The following NPAT variants were observed in gnomAD, a reference collection of about 807,000 sequenced individuals.
The protein encoded by NPAT is protein NPAT.
Under a neutral mutation model 130.7 loss-of-function variants are expected in NPAT, and 52 were observed. The ratio of observed to expected loss-of-function variants is 0.40; its 90% CI spans 0.32 to 0.50. NPAT has a LOEUF of 0.50. NPAT is among the 20% of genes least tolerant of loss of function. The probability of loss-of-function intolerance (pLI) is 0.68; values close to 1 mark genes in which losing one functional copy is unlikely to be tolerated. For missense variants in NPAT, 1,687 were observed against 1,662.6 expected (o/e 1.01, Z -0.26); for synonymous variants, 580 against 584.8 (o/e 0.99, Z 0.12).
chr11:108,207,684 C>A (rs115795704), intron 1 of NPAT, among the ~76,000 whole-genome samples: 1,961 of 152,354 alleles, frequency 0.013, 53 homozygotes, highest in African/African-American at 0.044. Context: ...AGAGGCCAGG[C>A]AGCGGGAGTA....
At chr11:108,193,216 T>C (rs893323812) in intron 3 of NPAT, among the ~76,000 whole-genome samples, 3 of 152,242 alleles carry the variant, frequency 2.0e-5, no homozygotes, top group South Asian at 2.1e-4. Flanking sequence ...CTAGTAACTA[T>C]AAGCCAGTGT....
At chr11:108,191,980 C>T (rs1006798950) in intron 4 of NPAT, 138 bp downstream of exon 4, 2 of 714,118 alleles carry the variant, frequency 2.8e-6, no homozygotes, top group African/African-American at 1.7e-5. Context: ...CAGTAACCTC[C>T]ACAGTACCAG....
rs199938106 is a variant in NPAT, at chr11:108,173,156, C to T, written c.1828G>A (p.Val610Ile). The T allele has an allele frequency of 1.2e-6, 2 of 1,613,764 alleles. No homozygotes were observed. Among genetic ancestry groups the T allele is most frequent in the South Asian group, 1.1e-5 (1 of 91,074 alleles). Residue 610 changes from valine (V) to isoleucine (I), a missense_variant, in exon 13 of 18, where the codon GTT (valine) becomes ATT (isoleucine). Around this residue, in one of 3 missense-constraint regions of NPAT, gnomAD observed 1,379 missense variants for 1,346.6 expected, o/e 1.02. Coordinates refer to ENST00000278612, the MANE Select transcript of NPAT (RefSeq NM_002519.3). ...CLQSEILPVS[V>I]ESSHLNVSGQ... ...GATACATTTAAATGTGAACTTTCAA[C>T]AGACACAGGTAGTATTTCACTTTGA... is the stretch of plus-strand genomic sequence containing the variant.
At chr11:108,189,629 G>A (rs940560835) in intron 5 of NPAT, among the ~76,000 whole-genome samples, 33 of 152,054 alleles carry the variant, frequency 2.2e-4, no homozygotes, top group African/African-American at 8.0e-4. Context: ...CCAGCACTTT[G>A]GGAGGCCGAG....
intron 8 of NPAT, 77 bp downstream of exon 8, chr11:108,186,403 CAT>C: frequency 1.0e-6 from 1 of 988,378 alleles, no homozygotes; most frequent in Non-Finnish European, 1.6e-6. Flanking sequence ...TACATACACA[CAT>C]ACATACATTT....
chr11:108,160,826 T>C, intron 17 of NPAT, 54 bp downstream of exon 17: 3 of 1,503,600 alleles, frequency 2.0e-6, no homozygotes, highest in South Asian at 1.2e-5. Flanking sequence ...AATTCGCTAA[T>C]CACTAAAGCG....
intron 1 of NPAT, among the ~76,000 whole-genome samples, chr11:108,211,990 C>CA (rs201897940): frequency 9.4e-4 from 138 of 147,552 alleles, no homozygotes; most frequent in East Asian, 7.6e-3. Flanking sequence ...CCAAAGAAAC[C>CA]AAAAAAAACA....
chr11:108,197,891 A>G (rs1164116079), intron 1 of NPAT, among the ~76,000 whole-genome samples: 1 of 152,218 alleles, frequency 6.6e-6, no homozygotes, highest in East Asian at 1.9e-4. Flanking sequence ...CTCTGCATGA[A>G]AGTTGAGACA....
chr11:108,185,300 C>T lies in NPAT; in HGVS notation c.838G>A (p.Val280Ile). The T allele has an allele frequency of 6.2e-7, 1 of 1,611,162 alleles. No homozygotes were observed. The highest frequency in any genetic ancestry group is 8.5e-7 in the Non-Finnish European group (1 of 1,178,080). The change falls in exon 10 of 18, where the codon GTA becomes ATA. Residue 280 changes from valine (V) to isoleucine (I), a missense_variant. Physicochemically the swap from Val to Ile is conservative, Grantham distance 29 (BLOSUM62 3). This residue lies in a region of NPAT where 1,379 missense variants were observed against 1,346.6 expected (regional missense o/e 1.02). Transcript: ENST00000278612. ...FLTSDNNIAQ[V>I]PKQTDNNPTE... ...GGGTTGTTATCTGTTTGCTTAGGTA[C>T]TTGGGCAATATTGTTATCACTGTTA... is the stretch of plus-strand genomic sequence containing the variant.
chr11:108,219,975 C>T (rs1217990342), intron 1 of NPAT, among the ~76,000 whole-genome samples: 1 of 152,136 alleles, frequency 6.6e-6, no homozygotes, highest in African/African-American at 2.4e-5. Flanking sequence ...TAGAAGTGTA[C>T]TAGGAAGACA....
Position 108,194,000 on chromosome 11 carries a change from GT to G in NPAT, c.173del (p.Asn58ThrfsTer2). Reference protein sequence around the residue: ...PACLLSLFGKNLTTILNEYVA... With the variant: ...PACLLSLFGKXLTTILNEYVA... Reference sequence around the variant, plus strand: ...CATACTCATTTAAAATTGTTGTCAAGTTTTTTCCAAATAAGGACTGAAAAGA... The same window carrying G: ...CATACTCATTTAAAATTGTTGTCAAGTTTTTCCAAATAAGGACTGAAAAGA... On this transcript the variant is annotated frameshift_variant, in exon 3 of 18. Coordinates refer to ENST00000278612, the MANE Select transcript of NPAT (RefSeq NM_002519.3). LOFTEE classifies it high-confidence loss of function. 3 of 1,555,930 alleles carry G rather than the reference GT, an allele frequency of 1.9e-6. No homozygotes were observed. Among genetic ancestry groups the G allele is most frequent in the Non-Finnish European group, 2.7e-6 (3 of 1,128,458 alleles).
Position 108,165,448 on chromosome 11 carries a change from G to T in NPAT, c.3011-3268C>A, listed in dbSNP as rs1381337234. 7.1e-5 allele frequency among the ~76,000 whole-genome samples: 9 copies of T among 127,568 alleles called. No homozygotes were observed. The Admixed American group carries it at 7.3e-4, about 10-fold the overall frequency. The allele number at this position is 127,568 out of a possible 152,430, so 83.7% of individuals were successfully genotyped here. A position where few individuals can be genotyped will look rare whatever the true frequency, so the allele number is the denominator to read the frequency against. On this transcript the variant is annotated intron_variant, in intron 15 of 17. Transcript: ENST00000278612. ...TCTATTAATATATACACACACATAT[G>T]TATTTATATATATATATATATATAT...
chr11:108,188,185 T>G lies in NPAT; in HGVS notation c.557-6A>C. The G allele has an allele frequency of 6.2e-7, 1 of 1,611,474 alleles. No individual in the cohort carries two copies. The highest frequency in any genetic ancestry group is 8.5e-7 in the Non-Finnish European group (1 of 1,177,720). On this transcript the variant is annotated splice_polypyrimidine_tract_variant and splice_region_variant and intron_variant, in intron 6 of 17. Transcript: ENST00000278612. Reference sequence around the variant, plus strand: ...GACATTTAAAGCTTCTCCAGCTGTATTTCAAGAAAACATAACAGTAAGCCA... The same window carrying G: ...GACATTTAAAGCTTCTCCAGCTGTAGTTCAAGAAAACATAACAGTAAGCCA...
At chr11:108,168,530 T>C (rs369784417) in intron 15 of NPAT, among the ~76,000 whole-genome samples, 16 of 152,274 alleles carry the variant, frequency 1.1e-4, no homozygotes, top group African/African-American at 3.9e-4. Context: ...GTTAGTTGAG[T>C]TCTCTGTATA....
chr11:108,192,916 T>C (rs1646797665), intron 3 of NPAT, among the ~76,000 whole-genome samples: 1 of 151,560 alleles, frequency 6.6e-6, no homozygotes, highest in Non-Finnish European at 1.5e-5. Context: ...ATCGCGCCAT[T>C]GCACTCCAGC....
Position 108,183,115 on chromosome 11 carries a change from G to C in NPAT, c.906+2117C>G, listed in dbSNP as rs899834378. 1.6e-4 allele frequency among the ~76,000 whole-genome samples: 25 copies of C among 151,732 alleles called. 1 individual carries two copies. The highest frequency in any genetic ancestry group is 5.1e-4 in the African/African-American group (21 of 41,286). On this transcript the variant is annotated intron_variant, in intron 10 of 17. Transcript: ENST00000278612. ...CCCATTTCAGCCTCCCGAGTAGTTG[G>C]GACAACAGGTACATGCAATAACACC...
intron 5 of NPAT, among the ~76,000 whole-genome samples, chr11:108,189,869 CA>C (rs754180914): frequency 7.8e-3 from 463 of 59,336 alleles, no homozygotes; most frequent in African/African-American, 0.021. Context: ...GACTCCGTCT[CA>C]AAAAAAAAAA....
rs2077848769 is a variant in NPAT at position 108,161,477 on chromosome 11, T to C, written c.3609A>G (p.Ser1203=). Residue 1203 remains serine (S), a synonymous_variant, in exon 17 of 18, where the codon TCA becomes TCG. Transcript: ENST00000278612. ...CTTGTTTTTTGGTCATTTCTTGCAG[T>C]GAAGCTATAGATTTCTCACTTCGCA... ...GGLRSEKSIA[S]LQEMTKKQGT... 2.5e-6 allele frequency: 4 copies of C among 1,614,116 alleles called. No individual in the cohort carries two copies. Among genetic ancestry groups the C allele is most frequent in the Middle Eastern group, 1.6e-4 (1 of 6,084 alleles).
rs78329916 is a variant in NPAT, at chr11:108,204,608, C to T, written c.38-7188G>A. ...TGGGAAAGGGGCTATAACATTGTAG[C>T]CCTCCTGCCTTCTGCCAGGAGCGGA... On this transcript the variant is annotated intron_variant, in intron 1 of 17. Coordinates refer to ENST00000278612, the MANE Select transcript of NPAT (RefSeq NM_002519.3). Among the ~76,000 whole-genome samples, 936 of 152,358 alleles carry T rather than the reference C, an allele frequency of 6.1e-3. 6 individuals are homozygous for T. The highest frequency in any genetic ancestry group is 0.012 in the East Asian group (61 of 5,190).
Sources: gnomAD v4.1 joint callset for allele counts (sites outside exome capture counted in the v4.1 genomes callset) on GRCh38, gnomAD v4.1.1 for gene constraint, gnomAD v4.1.1 regional missense constraint, MANE v1.5 for transcripts, NCBI Gene and HGNC (gene_info 2026-07-23, HGNC 2026-07-21) for gene names.